Variants in ABCB11 observed in about 807,000 individuals in gnomAD.
The protein encoded by ABCB11 is bile salt export pump.
Under a neutral mutation model 148.0 loss-of-function variants are expected in ABCB11, and 95 were observed. The ratio of observed to expected loss-of-function variants is 0.64; its 90% CI spans 0.54 to 0.76. The LOEUF is 0.76. ABCB11 is among the 30% of genes least tolerant of loss of function. The pLI, the probability that ABCB11 is intolerant of heterozygous loss-of-function variation, is 0.00. For synonymous variants in ABCB11, 591 were observed against 555.4 expected (o/e 1.06, Z -0.90); for missense variants, 1,523 against 1,617.8 (o/e 0.94, Z 1.01).
In ABCB11 at chr2:168,957,969, G is replaced by T; in HGVS notation, c.2338C>A (p.Leu780Ile). Reference sequence around the variant, plus strand: ...TAGTCCAGCTGTGTACTTACCCCAAGAATCTGGCTGAATAAAAAGGCATAC... The same window carrying T: ...TAGTCCAGCTGTGTACTTACCCCAATAATCTGGCTGAATAAAAAGGCATAC... Reference protein sequence around the residue: ...PLYAFLFSQILGTFSIPDKEE... With the variant: ...PLYAFLFSQIIGTFSIPDKEE... Residue 780 changes from leucine to isoleucine, a missense_variant, in exon 19 of 28, where the codon CTT becomes ATT. By Grantham distance (5) the Leu-to-Ile change is conservative. Coordinates refer to ENST00000650372, the MANE Select transcript of ABCB11 (RefSeq NM_003742.4). 6.4e-7 allele frequency: 1 copy of T among 1,574,476 alleles called. No individual in the cohort carries two copies. The highest frequency in any genetic ancestry group is 1.3e-5 in the African/African-American group (1 of 74,294).
chr2:169,019,084 T>A (rs1695460143), intron 1 of ABCB11, among the ~76,000 whole-genome samples: 1 of 152,100 alleles, frequency 6.6e-6, no homozygotes, highest in Admixed American at 6.6e-5. Context: ...CCCCATGCAC[T>A]GCTGAGAAGA....
chr2:168,955,341 C>G (rs894790892), intron 19 of ABCB11, among the ~76,000 whole-genome samples: 1 of 151,562 alleles, frequency 6.6e-6, no homozygotes, highest in Non-Finnish European at 1.5e-5. Flanking sequence ...GTTTAATTGA[C>G]TCACAGTTCC....
At chr2:168,969,299 T>C (rs1333421103) in intron 16 of ABCB11, 51 bp downstream of exon 16, 21 of 1,493,730 alleles carry the variant, frequency 1.4e-5, no homozygotes, top group Non-Finnish European at 1.9e-5. Context: ...TAAAGCACTA[T>C]AGACATTAAC....
At chr2:169,001,406 T>G (rs1694865899) in intron 5 of ABCB11, among the ~76,000 whole-genome samples, 1 of 152,198 alleles carries the variant, frequency 6.6e-6, no homozygotes. Flanking sequence ...TCTGAAAATG[T>G]CTTGATTTCC....
chr2:169,010,384 T>A (rs1695144911), intron 5 of ABCB11, among the ~76,000 whole-genome samples: 1 of 152,194 alleles, frequency 6.6e-6, no homozygotes, highest in Admixed American at 6.5e-5. Flanking sequence ...GTAATCCTTA[T>A]CAGTGTAATT....
chr2:168,975,110 T>C (rs1049247100), intron 12 of ABCB11, among the ~76,000 whole-genome samples: 2 of 132,452 alleles, frequency 1.5e-5, no homozygotes, highest in South Asian at 2.3e-4. Flanking sequence ...TATAGATAAA[T>C]GTATAAACAA....
intron 19 of ABCB11, among the ~76,000 whole-genome samples, chr2:168,947,409 T>C (rs370327626): frequency 6.6e-6 from 1 of 151,652 alleles, no homozygotes; most frequent in African/African-American, 2.4e-5. Flanking sequence ...TGGCACATTT[T>C]CCAAGTCAAA....
rs537051095 is a variant in ABCB11, at chr2:168,921,294, C to A, written c.*2328G>T. Among the ~76,000 whole-genome samples, 2 of 152,138 alleles carry A rather than the reference C, an allele frequency of 1.3e-5. No homozygotes were observed. The highest frequency in any genetic ancestry group is 2.9e-5 in the Non-Finnish European group (2 of 68,034). On this transcript the variant is annotated 3_prime_UTR_variant, in exon 28 of 28. Coordinates refer to ENST00000650372, the MANE Select transcript of ABCB11 (RefSeq NM_003742.4). ...CTGGAAAAGAGACATAAATAATATA[C>A]CTCCATATCCTAGTGTCCTGGCTTA... is the stretch of plus-strand genomic sequence containing the variant.
intron 23 of ABCB11, 40 bp downstream of exon 23, chr2:168,935,144 G>A (rs543894488): frequency 6.2e-7 from 1 of 1,610,354 alleles, no homozygotes; most frequent in South Asian, 1.1e-5. Flanking sequence ...TTCCTTCCTT[G>A]TGTGTTGATC....
rs148004797 is a variant in ABCB11, at chr2:168,940,859, C to T, written c.2610+3746G>A. Reference sequence around the variant, plus strand: ...AAATTCTAGGCCCCTAAGAGGCATGCTAAATCTCCTCTGCCTATGTTCTAT... The same window carrying T: ...AAATTCTAGGCCCCTAAGAGGCATGTTAAATCTCCTCTGCCTATGTTCTAT... On this transcript the variant is annotated intron_variant, in intron 21 of 27. Transcript: ENST00000650372. Among the ~76,000 whole-genome samples the T allele has an allele frequency of 2.5e-3, 385 of 152,178 alleles. 1 individual carries two copies. Among genetic ancestry groups the T allele is most frequent in the Middle Eastern group, 0.01 (3 of 294 alleles).
intron 26 of ABCB11, among the ~76,000 whole-genome samples, chr2:168,925,023 A>G (rs1031635930): frequency 6.6e-6 from 1 of 152,114 alleles, no homozygotes; most frequent in African/African-American, 2.4e-5. Context: ...AGGGGACATT[A>G]TTCCTCATTT....
At position 168,969,464 on chromosome 2, in the gene ABCB11, T is replaced by C; in HGVS notation, c.1897A>G (p.Thr633Ala). The C allele has an allele frequency of 3.1e-6, 5 of 1,612,352 alleles. No homozygotes were observed. Among genetic ancestry groups the C allele is most frequent in the Non-Finnish European group, 4.2e-6 (5 of 1,178,988 alleles). Residue 633 changes from threonine (T) to alanine (A), a missense_variant, in exon 16 of 28, where the codon ACT becomes GCT. Transcript: ENST00000650372. ...TCATGGGTCCCTCTTTCCACTGCAGTGCCATGTTCAAAACCAATGATGGTA... is the reference window on the plus strand; with the variant it reads ...TCATGGGTCCCTCTTTCCACTGCAGCGCCATGTTCAAAACCAATGATGGTA... ...ADTIIGFEHG[T>A]AVERGTHEEL...
intron 24 of ABCB11, among the ~76,000 whole-genome samples, chr2:168,931,912 A>G (rs896225769): frequency 6.6e-6 from 1 of 152,222 alleles, no homozygotes; most frequent in African/African-American, 2.4e-5. Context: ...GCAGGAATTT[A>G]GAAGCCAAGT....
intron 25 of ABCB11, among the ~76,000 whole-genome samples, chr2:168,928,823 C>A (rs1691438307): frequency 6.6e-6 from 1 of 152,078 alleles, no homozygotes; most frequent in Non-Finnish European, 1.5e-5. Context: ...TTATTGGTTA[C>A]CAAATACTTT....
chr2:168,939,381 T>C (rs1691966913), intron 21 of ABCB11, among the ~76,000 whole-genome samples: 1 of 152,062 alleles, frequency 6.6e-6, no homozygotes, highest in African/African-American at 2.4e-5. Flanking sequence ...CCAAAAAACA[T>C]TGAAAAACTT....
At chr2:168,933,481 GC>G (rs775615104) in intron 23 of ABCB11, among the ~76,000 whole-genome samples, 61 of 152,280 alleles carry the variant, frequency 4.0e-4, no homozygotes, top group Middle Eastern at 6.8e-3. Context: ...GTGAGTAGTA[GC>G]CCCCAAAGCT....
At chr2:168,995,603 T>C (rs758456850) in intron 6 of ABCB11, 121 bp from the exon 7 acceptor site, 19 of 1,077,638 alleles carry the variant, frequency 1.8e-5, no homozygotes, top group Non-Finnish European at 2.4e-5. Flanking sequence ...ATTCAGAAAA[T>C]GCCTCTTCTT....
chr2:168,933,518 G>A lies in ABCB11; in HGVS notation c.3057-985C>T, dbSNP rs576643149. 1.1e-4 allele frequency among the ~76,000 whole-genome samples: 17 copies of A among 152,312 alleles called. 1 individual carries two copies. In the South Asian group the frequency reaches 3.5e-3, roughly 32 times the overall value. On this transcript the variant is annotated intron_variant, in intron 23 of 27. Coordinates refer to ENST00000650372, the MANE Select transcript of ABCB11 (RefSeq NM_003742.4). ...GCTCACCTGCACTGTCATGCACAGA[G>A]GGTCTGCCTGGGATGGGGATAGGGA...
chr2:169,022,225 A>C (rs1027335606), intron 1 of ABCB11, among the ~76,000 whole-genome samples: 2 of 151,996 alleles, frequency 1.3e-5, no homozygotes, highest in Non-Finnish European at 2.9e-5. Context: ...GAACCTAAAA[A>C]ATGCAAGATT....
Sources: gnomAD v4.1 joint callset for allele counts (sites outside exome capture counted in the v4.1 genomes callset) on GRCh38, gnomAD v4.1.1 for gene constraint, MANE v1.5 for transcripts, NCBI Gene and HGNC (gene_info 2026-07-23, HGNC 2026-07-21) for gene names.